HYDIN: variants seen among roughly 807,000 people sequenced by gnomAD.
The protein encoded by HYDIN is axonemal central pair apparatus protein HYDIN.
A neutral mutation model predicts 403.9 loss-of-function variants in HYDIN; 132 were observed. The ratio of observed to expected loss-of-function variants is 0.33; its 90% confidence interval spans 0.28 to 0.38. The LOEUF (loss-of-function observed/expected upper bound fraction) is 0.38, where lower values mean the gene tolerates loss of function less well. Among genes scored for constraint, HYDIN ranks in the 10% least tolerant of loss-of-function variants. The probability of loss-of-function intolerance (pLI) is 1.00; values close to 1 mark genes in which losing one functional copy is unlikely to be tolerated. For missense variants in HYDIN, 2,827 were observed against 5,009.5 expected (o/e 0.56, Z 13.15); for synonymous variants, 1,202 against 1,891.7 (o/e 0.64, Z 9.46).
rs774650605 is a variant in HYDIN, at chr16:70,921,146, T to C, written c.7230A>G (p.Thr2410=). ...TATTTAGCTCTTCCTTCTCAGACAT[T>C]GTTTGTTCCCTAACAGATATTTTCC... The part of the protein sequence containing the change: ...IERKISVREQ[T]MSEKEELNKK... The change falls in exon 46 of 86, where the codon ACA becomes ACG. Residue 2410 remains threonine, a synonymous_variant. Transcript: ENST00000393567. 3.7e-5 allele frequency: 57 copies of C among 1,523,718 alleles called. No homozygotes were observed. Among genetic ancestry groups the C allele is most frequent in the Non-Finnish European group, 4.7e-5 (52 of 1,117,178 alleles). The allele number at this position is 1,523,718 out of a possible 1,614,324, so 94.4% of individuals were successfully genotyped here.
At chr16:70,866,416 A>G in intron 66 of HYDIN, 87 bp from the exon 67 acceptor site, 1 of 1,040,784 alleles carries the variant, frequency 9.6e-7, no homozygotes, top group South Asian at 1.6e-5. Flanking sequence ...GACCAGAAAC[A>G]TTCTAGGCAT....
intron 83 of HYDIN, among the ~76,000 whole-genome samples, chr16:70,822,823 T>G (rs2036352783): frequency 6.6e-6 from 1 of 151,488 alleles, no homozygotes. Flanking sequence ...TAATTTATAA[T>G]TCAGGTATGC....
intron 60 of HYDIN, among the ~76,000 whole-genome samples, chr16:70,880,745 C>T (rs1429673198): frequency 6.6e-6 from 1 of 152,174 alleles, no homozygotes; most frequent in Non-Finnish European, 1.5e-5. Flanking sequence ...CTGGCATGGC[C>T]TTAAAAGGAT....
chr16:71,043,223 T>G (rs1462795812), intron 18 of HYDIN, among the ~76,000 whole-genome samples: 2 of 149,790 alleles, frequency 1.3e-5, no homozygotes, highest in Middle Eastern at 3.4e-3. Flanking sequence ...TTCTGCAGCC[T>G]TCTCTTTGTG....
chr16:71,126,799 C>T (rs997996726), intron 9 of HYDIN, among the ~76,000 whole-genome samples: 13 of 152,266 alleles, frequency 8.5e-5, no homozygotes, highest in Admixed American at 5.9e-4. Flanking sequence ...AAATCTTACC[C>T]TTCCTCCAAT....
At chr16:71,141,154 T>C (rs942475484) in intron 7 of HYDIN, among the ~76,000 whole-genome samples, 3 of 148,170 alleles carry the variant, frequency 2.0e-5, no homozygotes, top group Admixed American at 6.7e-5. Context: ...ATCAGTGGAA[T>C]AGAATGAAGT....
chr16:71,039,614 C>T (rs1475752911), intron 18 of HYDIN, among the ~76,000 whole-genome samples: 1 of 152,114 alleles, frequency 6.6e-6, no homozygotes, highest in Non-Finnish European at 1.5e-5. Context: ...TTGGGGATTA[C>T]AGAGGGGACA....
chr16:70,883,988 G>A lies in HYDIN; in HGVS notation c.9911C>T (p.Ser3304Phe), dbSNP rs762069427. The change falls in exon 59 of 86, where the codon TCC becomes TTC. Residue 3304 changes from serine (S) to phenylalanine (F), a missense_variant. By Grantham distance (155) the Ser-to-Phe change is radical (BLOSUM62 -2). Coordinates refer to ENST00000393567, the MANE Select transcript of HYDIN (RefSeq NM_001270974.2). ...AGGGTGGACTGCAGGGTCTCGGCCG[G>A]AGATATCGATGGCTATAAACTCCTC... ...KCEEFIAIDI[S>F]GRDPAVHPAG... 6.2e-7 allele frequency: 1 copy of A among 1,614,160 alleles called. No homozygotes were observed. The highest frequency in any genetic ancestry group is 8.5e-7 in the Non-Finnish European group (1 of 1,180,040).
chr16:71,072,429 C>T (rs1218745800), intron 13 of HYDIN, among the ~76,000 whole-genome samples: 1 of 152,176 alleles, frequency 6.6e-6, no homozygotes, highest in Admixed American at 6.5e-5. Context: ...TACAGAAAGA[C>T]CACTGCTGTG....
intron 10 of HYDIN, among the ~76,000 whole-genome samples, chr16:71,098,022 C>T (rs1272734977): frequency 1.3e-5 from 2 of 151,956 alleles, no homozygotes; most frequent in Admixed American, 6.6e-5. Flanking sequence ...CTTTCTAGTG[C>T]TTGGCAACAC....
chr16:71,047,117 G>A (rs1345151624), intron 18 of HYDIN, among the ~76,000 whole-genome samples: 2 of 152,054 alleles, frequency 1.3e-5, no homozygotes, highest in African/African-American at 4.8e-5. Flanking sequence ...GAGCTGAGAT[G>A]GACAAAATGA....
rs2087066596 is a variant in HYDIN, at chr16:71,184,796, T to G, written c.261+69A>C. ...TAGGTAGCCAAGAAACAAATTTTAC[T>G]TATTGTTCTGGAATTTTGGTGTTGT... On this transcript the variant is annotated intron_variant, in intron 3 of 85. Transcript: ENST00000393567. 2.2e-6 allele frequency: 3 copies of G among 1,373,764 alleles called. No individual in the cohort carries two copies. The East Asian group carries it at 7.4e-5, about 34-fold the overall frequency. The allele number at this position is 1,373,764 out of a possible 1,614,324, so 85.1% of individuals were successfully genotyped here. A position where few individuals can be genotyped will look rare whatever the true frequency, so the allele number is the denominator to read the frequency against.
intron 53 of HYDIN, among the ~76,000 whole-genome samples, chr16:70,898,829 C>T (rs766246553): frequency 1.5e-4 from 23 of 150,388 alleles, no homozygotes; most frequent in Non-Finnish European, 2.2e-4. Context: ...TTGCAACCTC[C>T]GCCTCCAGGG....
intron 1 of HYDIN, among the ~76,000 whole-genome samples, chr16:71,196,331 A>G (rs967527012): frequency 1.3e-5 from 2 of 152,184 alleles, no homozygotes; most frequent in Non-Finnish European, 1.5e-5. Context: ...AATATGAGTG[A>G]GCAGCATCCA....
intron 18 of HYDIN, among the ~76,000 whole-genome samples, chr16:71,054,363 C>T (rs373209950): frequency 7.2e-5 from 11 of 152,402 alleles, no homozygotes; most frequent in African/African-American, 2.6e-4. Flanking sequence ...CTCATTGAAG[C>T]CTGAGAAACA....
chr16:71,217,795 G>A (rs1024026593), intron 1 of HYDIN, among the ~76,000 whole-genome samples: 5 of 152,194 alleles, frequency 3.3e-5, no homozygotes, highest in Non-Finnish European at 7.3e-5. Flanking sequence ...TCTGCGAACA[G>A]ATCACAGCCA....
intron 1 of HYDIN, 50 bp from the exon 2 acceptor site, chr16:71,186,968 T>C: frequency 7.7e-7 from 1 of 1,295,994 alleles, no homozygotes; most frequent in South Asian, 1.4e-5. Flanking sequence ...AATTCCTGAA[T>C]ACAGGTCATA....
intron 60 of HYDIN, among the ~76,000 whole-genome samples, chr16:70,881,368 G>A (rs1206455726): frequency 3.5e-5 from 5 of 144,774 alleles, no homozygotes; most frequent in Admixed American, 6.7e-5. Context: ...CAGCACTTTG[G>A]GAGGCCGAGG....
intron 23 of HYDIN, among the ~76,000 whole-genome samples, chr16:71,005,540 C>T (rs868767893): frequency 6.6e-6 from 1 of 152,190 alleles, no homozygotes; most frequent in East Asian, 1.9e-4. Flanking sequence ...AAATAAATAT[C>T]TCTTGTTTAA....
Sources: allele counts gnomAD v4.1 joint callset (sites outside exome capture counted in the v4.1 genomes callset), GRCh38; gene constraint gnomAD v4.1.1; transcripts MANE v1.5; gene names NCBI Gene and HGNC (gene_info 2026-07-23, HGNC 2026-07-21).